The following DNAJC6 variants were observed in gnomAD, a reference collection of about 807,000 sequenced individuals.
The protein encoded by DNAJC6 is DnaJ heat shock protein family (Hsp40) member C6.
Under a neutral mutation model 110.0 loss-of-function variants are expected in DNAJC6, and 34 were observed. The ratio of observed to expected loss-of-function variants is 0.31; its 90% confidence interval spans 0.24 to 0.41. DNAJC6 has a LOEUF of 0.41. DNAJC6 is among the 10% of genes least tolerant of loss of function. The probability of loss-of-function intolerance (pLI) is 1.00; values close to 1 mark genes in which losing one functional copy is unlikely to be tolerated. For missense variants in DNAJC6, 1,031 were observed against 1,207.8 expected (o/e 0.85, Z 2.17); for synonymous variants, 406 against 437.2 (o/e 0.93, Z 0.89).
At chr1:65,345,647 G>A (rs896087400) in intron 1 of DNAJC6, 16 of 977,908 alleles carry the variant, frequency 1.6e-5, no homozygotes, top group Admixed American at 6.4e-5. Flanking sequence ...TTTGGGAAAA[G>A]TAACACGTGG....
chr1:65,282,027 A>T (rs2101190449), intron 1 of DNAJC6, among the ~76,000 whole-genome samples: 1 of 152,252 alleles, frequency 6.6e-6, no homozygotes, highest in African/African-American at 2.4e-5. Flanking sequence ...TCTGGGCTCA[A>T]GCTGTCCTTC....
At chr1:65,398,683 G>C in intron 13 of DNAJC6, 130 bp from the exon 14 acceptor site, 1 of 799,338 alleles carries the variant, frequency 1.3e-6, no homozygotes, top group Middle Eastern at 2.3e-4. Context: ...TCAGAAGGAG[G>C]AGTGGATATC....
chr1:65,286,891 C>T (rs1377045740), intron 1 of DNAJC6, among the ~76,000 whole-genome samples: 1 of 152,096 alleles, frequency 6.6e-6, no homozygotes, highest in Non-Finnish European at 1.5e-5. Flanking sequence ...AAATAACCTG[C>T]TAAAATCAGA....
chr1:65,294,642 A>G (rs1439863171), intron 1 of DNAJC6, among the ~76,000 whole-genome samples: 1 of 152,234 alleles, frequency 6.6e-6, no homozygotes, highest in Non-Finnish European at 1.5e-5. Flanking sequence ...GTGGAAAAAT[A>G]TATAAAATAT....
chr1:65,296,327 A>C (rs1490110752), intron 1 of DNAJC6, among the ~76,000 whole-genome samples: 2 of 152,200 alleles, frequency 1.3e-5, no homozygotes, highest in Non-Finnish European at 2.9e-5. Flanking sequence ...TGTCTACTTT[A>C]ATACAGTAGA....
intron 1 of DNAJC6, among the ~76,000 whole-genome samples, chr1:65,289,184 T>C (rs192593293): frequency 1.3e-5 from 2 of 152,178 alleles, no homozygotes; most frequent in Non-Finnish European, 2.9e-5. Context: ...CATTTGATAC[T>C]GTCAGTCATT....
At chr1:65,328,740 G>A (rs940918722) in intron 1 of DNAJC6, among the ~76,000 whole-genome samples, 1 of 152,178 alleles carries the variant, frequency 6.6e-6, no homozygotes, top group Admixed American at 6.5e-5. Flanking sequence ...TGGAACCTTA[G>A]AGTTGGGAAG....
Position 65,366,144 on chromosome 1 carries a change from C to T in DNAJC6, c.491C>T (p.Thr164Ile). ...FLDSRHLDHY[T>I]VYNLSPKSYR... ...GATTCCAGACATCTTGACCACTACACAGTATACAATCTGTCACCTAAGTCT... is the reference window on the plus strand; with the variant it reads ...GATTCCAGACATCTTGACCACTACATAGTATACAATCTGTCACCTAAGTCT... The change falls in exon 4 of 19, where the codon ACA (threonine) becomes ATA (isoleucine). Residue 164 changes from threonine to isoleucine, a missense_variant. Transcript: ENST00000371069. The T allele has an allele frequency of 6.2e-7, 1 of 1,613,890 alleles. No homozygotes were observed. Among genetic ancestry groups the T allele is most frequent in the African/African-American group, 1.3e-5 (1 of 75,012 alleles).
chr1:65,326,006 A>G (rs1165100199), intron 1 of DNAJC6, among the ~76,000 whole-genome samples: 1 of 152,254 alleles, frequency 6.6e-6, no homozygotes, highest in East Asian at 1.9e-4. Flanking sequence ...TTCAGCTGTT[A>G]TTATCCTATG....
At chr1:65,359,766 G>T (rs1033011515) in intron 1 of DNAJC6, among the ~76,000 whole-genome samples, 20 of 152,288 alleles carry the variant, frequency 1.3e-4, no homozygotes, top group African/African-American at 4.6e-4. Context: ...TAGACTTTGT[G>T]GGCCGTAAGA....
intron 1 of DNAJC6, among the ~76,000 whole-genome samples, chr1:65,267,198 G>A (rs967744632): frequency 6.6e-6 from 1 of 152,092 alleles, no homozygotes; most frequent in African/African-American, 2.4e-5. Flanking sequence ...TGCCTGGCCG[G>A]TATTTAGAAT....
At chr1:65,291,473 T>A (rs965287015) in intron 1 of DNAJC6, among the ~76,000 whole-genome samples, 1 of 152,232 alleles carries the variant, frequency 6.6e-6, no homozygotes, top group Non-Finnish European at 1.5e-5. Flanking sequence ...TTATTTAACA[T>A]TTTCTCCAAA....
intron 1 of DNAJC6, among the ~76,000 whole-genome samples, chr1:65,323,983 G>A (rs970571224): frequency 6.6e-6 from 1 of 152,164 alleles, no homozygotes; most frequent in African/African-American, 2.4e-5. Flanking sequence ...TGTATTCCTT[G>A]CCCTATAGTG....
Position 65,415,861 on chromosome 1 carries a change from T to C in DNAJC6, c.*2836T>C, listed in dbSNP as rs573525784. 6.6e-6 allele frequency: 1 copy of C among 152,370 alleles called. No individual in the cohort carries two copies. The highest frequency in any genetic ancestry group is 1.5e-5 in the Non-Finnish European group (1 of 68,040). The allele number at this position is 152,370 out of a possible 1,614,324, so 9.4% of individuals were successfully genotyped here. ...CTAAAATAAATGTAGCATCTAATTTTATCAGTTTAACATCTGATATGTCTT... is the reference window on the plus strand; with the variant it reads ...CTAAAATAAATGTAGCATCTAATTTCATCAGTTTAACATCTGATATGTCTT... On this transcript the variant is annotated 3_prime_UTR_variant, in exon 19 of 19. Coordinates refer to ENST00000371069, the MANE Select transcript of DNAJC6 (RefSeq NM_001256864.2).
At chr1:65,329,322 A>G (rs903012798) in intron 1 of DNAJC6, among the ~76,000 whole-genome samples, 1 of 152,148 alleles carries the variant, frequency 6.6e-6, no homozygotes, top group Admixed American at 6.5e-5. Context: ...TAAGATGATT[A>G]CTTTAAGTAG....
intron 4 of DNAJC6, among the ~76,000 whole-genome samples, chr1:65,378,149 ATCATCCCTTATTGACAC>A (rs1645784399): frequency 6.6e-6 from 1 of 152,098 alleles, no homozygotes; most frequent in African/African-American, 2.4e-5. Flanking sequence ...CTTAGCCACT[ATCATCCCTTATTGACAC>A]TCCTCACCAA....
intron 5 of DNAJC6, among the ~76,000 whole-genome samples, chr1:65,380,890 G>GTTTTTTTTGTTTTGTT (rs1557551919): frequency 2.5e-5 from 3 of 118,758 alleles, no homozygotes; most frequent in African/African-American, 4.0e-5. Flanking sequence ...GGGGGAGGGA[G>GTTTTTTTTGTTTTGTT]TTTTTTTTTT....
In DNAJC6 at chr1:65,389,552, G is replaced by A. The variant is rs202225808; in HGVS notation, c.1393G>A (p.Ala465Thr). Reference protein sequence around the residue: ...HQDTLALGGQAPIDIPPDNPR... With the variant: ...HQDTLALGGQTPIDIPPDNPR... ...ATGGTCTTTTTGTCTTGCAGGACAG[G>A]CTCCAATAGATATCCCTCCAGACAA... Residue 465 changes from alanine to threonine, a missense_variant, in exon 11 of 19, where the codon GCT (alanine) becomes ACT (threonine). By Grantham distance (58) the Ala-to-Thr change is moderately conservative (BLOSUM62 0). Coordinates refer to ENST00000371069, the MANE Select transcript of DNAJC6 (RefSeq NM_001256864.2). The A allele has an allele frequency of 1.4e-5, 23 of 1,614,002 alleles. No homozygotes were observed. The highest frequency in any genetic ancestry group is 1.9e-5 in the Non-Finnish European group (22 of 1,180,022).
intron 1 of DNAJC6, among the ~76,000 whole-genome samples, chr1:65,274,890 ACTTTT>A (rs935788841): frequency 1.3e-5 from 2 of 151,766 alleles, no homozygotes; most frequent in African/African-American, 4.8e-5. Flanking sequence ...TTTTCATTTT[ACTTTT>A]CTTTGTGTGT....
Sources: allele counts gnomAD v4.1 joint callset (sites outside exome capture counted in the v4.1 genomes callset), GRCh38; gene constraint gnomAD v4.1.1; transcripts MANE v1.5; gene names NCBI Gene and HGNC (gene_info 2026-07-23, HGNC 2026-07-21).